Variants in AJAP1 observed in about 807,000 individuals in gnomAD.
AJAP1 encodes adherens junctions associated protein 1.
In AJAP1, 5 loss-of-function variants were observed where a neutral mutation model predicts 35.0. That is an observed-to-expected ratio of 0.14 (90% CI 0.07 to 0.30). The LOEUF (loss-of-function observed/expected upper bound fraction) is 0.30. Ranked by LOEUF, AJAP1 falls within the 10% of genes least tolerant of loss-of-function variation. AJAP1 has a pLI of 1.00. For synonymous variants in AJAP1, 284 were observed against 249.3 expected (o/e 1.14, Z -1.31); for missense variants, 586 against 571.0 (o/e 1.03, Z -0.27).
At chr1:4,681,929 G>A (rs762124140) in intron 1 of AJAP1, among the ~76,000 whole-genome samples, 2 of 152,188 alleles carry the variant, frequency 1.3e-5, no homozygotes, top group Non-Finnish European at 2.9e-5. Flanking sequence ...TCCAGGTGCT[G>A]CTCTGAGTTC....
chr1:4,722,382 C>G (rs1640539586), intron 2 of AJAP1, among the ~76,000 whole-genome samples: 1 of 152,204 alleles, frequency 6.6e-6, no homozygotes, highest in Admixed American at 6.5e-5. Flanking sequence ...ATACCTGCCT[C>G]ATTCTGTGAC....
At chr1:4,689,275 G>T (rs927191481) in intron 1 of AJAP1, among the ~76,000 whole-genome samples, 1 of 152,172 alleles carries the variant, frequency 6.6e-6, no homozygotes, top group Admixed American at 6.5e-5. Flanking sequence ...TGATTAAGGC[G>T]GTTAAATTGT....
In AJAP1 at chr1:4,718,493, T is replaced by TG. The variant is rs546245449; in HGVS notation, c.829+5794_829+5795insG. 2.0e-5 allele frequency among the ~76,000 whole-genome samples: 3 copies of TG among 150,770 alleles called. No individual in the cohort carries two copies. The South Asian group carries it at 6.3e-4, about 32-fold the overall frequency. On this transcript the variant is annotated intron_variant, in intron 2 of 5. Coordinates refer to ENST00000378191, the MANE Select transcript of AJAP1 (RefSeq NM_018836.4). ...CCTAAGGCATTTTCTTTCTTTCCTT[T>TG]TTTTTTTTTTTAGATGGAGTCTCGT... is the stretch of plus-strand genomic sequence containing the variant.
chr1:4,698,077 GA>G (rs35808987), intron 1 of AJAP1, among the ~76,000 whole-genome samples: 1 of 152,218 alleles, frequency 6.6e-6, no homozygotes, highest in Non-Finnish European at 1.5e-5. Flanking sequence ...CTCCTGATGA[GA>G]AAATGGGAAC....
At chr1:4,661,545 T>C (rs1009705871) in intron 1 of AJAP1, among the ~76,000 whole-genome samples, 5 of 152,266 alleles carry the variant, frequency 3.3e-5, no homozygotes, top group Admixed American at 3.3e-4. Context: ...GAAGGTCCAT[T>C]CGTGCTCCTT....
chr1:4,676,518 G>A (rs1355858082), intron 1 of AJAP1, among the ~76,000 whole-genome samples: 3 of 152,104 alleles, frequency 2.0e-5, no homozygotes, highest in Non-Finnish European at 2.9e-5. Context: ...TGAAACCAAC[G>A]CTGCCTCAGG....
At chr1:4,724,203 G>A (rs562998105) in intron 2 of AJAP1, among the ~76,000 whole-genome samples, 7 of 152,282 alleles carry the variant, frequency 4.6e-5, no homozygotes, top group Non-Finnish European at 8.8e-5. Flanking sequence ...AATGCCAGGC[G>A]GAACCATGGG....
chr1:4,697,345 A>G (rs1225116612), intron 1 of AJAP1, among the ~76,000 whole-genome samples: 1 of 152,238 alleles, frequency 6.6e-6, no homozygotes, highest in Non-Finnish European at 1.5e-5. Context: ...AAATCAAAGG[A>G]AGCCATTTGT....
At chr1:4,726,052 G>T (rs974528735) in intron 2 of AJAP1, among the ~76,000 whole-genome samples, 4 of 152,236 alleles carry the variant, frequency 2.6e-5, no homozygotes, top group Non-Finnish European at 5.9e-5. Context: ...CCTCCCCTGG[G>T]ATGAAGCAGA....
chr1:4,691,804 G>T (rs1639746137), intron 1 of AJAP1, among the ~76,000 whole-genome samples: 1 of 152,268 alleles, frequency 6.6e-6, no homozygotes, highest in East Asian at 1.9e-4. Flanking sequence ...TGGGGGACAA[G>T]CGCTCAGAGG....
In AJAP1 at chr1:4,692,461, G is replaced by A. The variant is rs1168459487; in HGVS notation, c.30-19439G>A. On this transcript the variant is annotated intron_variant, in intron 1 of 5. Transcript: ENST00000378191. This position sits in a 1 kb window ranked among gnomAD's most constrained non-coding sequence, Gnocchi z 4.4. Reference sequence around the variant, plus strand: ...TACGAGGACTTGTAATTGCTTTGCTGGCTGGGTCCCAAGGAAGCACCTGCC... The same window carrying A: ...TACGAGGACTTGTAATTGCTTTGCTAGCTGGGTCCCAAGGAAGCACCTGCC... 6.6e-6 allele frequency among the ~76,000 whole-genome samples: 1 copy of A among 152,158 alleles called. No homozygotes were observed. Among genetic ancestry groups the A allele is most frequent in the African/African-American group, 2.4e-5 (1 of 41,426 alleles).
At chr1:4,680,283 G>A (rs140464286) in intron 1 of AJAP1, among the ~76,000 whole-genome samples, 1 of 152,268 alleles carries the variant, frequency 6.6e-6, no homozygotes, top group Non-Finnish European at 1.5e-5. Context: ...ACACATCTGG[G>A]CACCCCGTAG....
At position 4,724,471 on chromosome 1, in the gene AJAP1, C is replaced by T. The variant is rs1242068415; in HGVS notation, c.829+11772C>T. Among the ~76,000 whole-genome samples, 3 of 152,286 alleles carry T rather than the reference C, an allele frequency of 2.0e-5. No individual in the cohort carries two copies. The East Asian group carries it at 5.8e-4, about 29-fold the overall frequency. On this transcript the variant is annotated intron_variant, in intron 2 of 5. Transcript: ENST00000378191. The stretch of plus-strand genomic sequence containing the variant: ...TCTGGGCACCCCCTGGGTGGTTTGT[C>T]TCCATCGACTGGCATTTACCATGAC...
chr1:4,737,772 T>A (rs996856111), intron 2 of AJAP1, among the ~76,000 whole-genome samples: 1 of 152,170 alleles, frequency 6.6e-6, no homozygotes, highest in Non-Finnish European at 1.5e-5. Context: ...TAGTGGTGCA[T>A]GCACCTGTGG....
At chr1:4,740,058 C>T (rs982607769) in intron 2 of AJAP1, among the ~76,000 whole-genome samples, 10 of 152,076 alleles carry the variant, frequency 6.6e-5, no homozygotes, top group African/African-American at 2.2e-4. Flanking sequence ...GAGAGATGTG[C>T]GCATACCCAT....
intron 1 of AJAP1, among the ~76,000 whole-genome samples, chr1:4,710,787 G>T (rs530399634): frequency 6.6e-6 from 1 of 152,242 alleles, no homozygotes; most frequent in Non-Finnish European, 1.5e-5. Flanking sequence ...AAGAGGGAGC[G>T]TGGGCCTGGC....
At chr1:4,663,669 G>A (rs996417321) in intron 1 of AJAP1, among the ~76,000 whole-genome samples, 2 of 107,080 alleles carry the variant, frequency 1.9e-5, no homozygotes, top group Admixed American at 9.4e-5. Flanking sequence ...GGCCCCAGAC[G>A]GTCTTTGTAT....
At chr1:4,770,681 C>T (rs1641814234) in intron 3 of AJAP1, among the ~76,000 whole-genome samples, 1 of 146,104 alleles carries the variant, frequency 6.8e-6, no homozygotes, top group South Asian at 2.2e-4. Flanking sequence ...GCTGCCTGCA[C>T]ACAGCCATAT....
At chr1:4,773,352 C>G (rs917021313) in intron 4 of AJAP1, among the ~76,000 whole-genome samples, 5 of 152,172 alleles carry the variant, frequency 3.3e-5, no homozygotes, top group African/African-American at 9.7e-5. Context: ...GCTGCATGCT[C>G]CCTTTCGTTC....
Sources: gnomAD v4.1 joint callset for allele counts (sites outside exome capture counted in the v4.1 genomes callset) on GRCh38, gnomAD v4.1.1 for gene constraint, Gnocchi (gnomAD v3.1) non-coding constraint, MANE v1.5 for transcripts, NCBI Gene and HGNC (gene_info 2026-07-23, HGNC 2026-07-21) for gene names.